The following BICC1 variants were observed in gnomAD, a reference collection of about 807,000 sequenced individuals.
BICC1 encodes protein bicaudal C homolog 1.
In BICC1, 43 loss-of-function variants were observed where a neutral mutation model predicts 111.0. The ratio of observed to expected loss-of-function variants is 0.39; its 90% CI spans 0.30 to 0.50. The LOEUF is 0.50. BICC1 is among the 20% of genes least tolerant of loss of function. BICC1 has a pLI of 0.88. For missense variants in BICC1, 1,091 were observed against 1,203.2 expected, an observed-to-expected ratio of 0.91 and a Z score of 1.38; for synonymous variants, 467 against 434.4, an observed-to-expected ratio of 1.07 and a Z score of -0.93.
At chr10:58,806,974 C>G in intron 16 of BICC1, 30 bp from the exon 17 acceptor site, 1 of 1,592,766 alleles carries the variant, frequency 6.3e-7, no homozygotes, top group South Asian at 1.1e-5. Context: ...ATTAAACATA[C>G]CAAGCATTGG....
chr10:58,771,793 C>A (rs531920720), intron 3 of BICC1, among the ~76,000 whole-genome samples: 1 of 152,282 alleles, frequency 6.6e-6, no homozygotes, highest in Admixed American at 6.5e-5. Flanking sequence ...TCTTTGAAAA[C>A]CACAGCAGAC....
chr10:58,707,428 A>G (rs1248554457), intron 3 of BICC1, among the ~76,000 whole-genome samples: 2 of 152,084 alleles, frequency 1.3e-5, no homozygotes, highest in African/African-American at 4.8e-5. Context: ...GTTGCAACCT[A>G]TTCGTGTGTC....
intron 1 of BICC1, among the ~76,000 whole-genome samples, chr10:58,579,753 C>CA: frequency 6.6e-6 from 1 of 152,230 alleles, no homozygotes; most frequent in South Asian, 2.1e-4. Flanking sequence ...AATCTGCTCT[C>CA]AGAGAGGATG....
chr10:58,755,479 C>A (rs1199144852), intron 3 of BICC1, among the ~76,000 whole-genome samples: 1 of 152,122 alleles, frequency 6.6e-6, no homozygotes, highest in Non-Finnish European at 1.5e-5. Context: ...TGAATTATTT[C>A]CTGAATGAGA....
At chr10:58,715,080 A>C in intron 3 of BICC1, among the ~76,000 whole-genome samples, 1 of 151,486 alleles carries the variant, frequency 6.6e-6, no homozygotes, top group African/African-American at 2.4e-5. Flanking sequence ...AAAAAAAAAA[A>C]GATTAAAAAT....
At position 58,513,149 on chromosome 10, in the gene BICC1, C is replaced by A. The variant is rs752693793; in HGVS notation, c.6C>A (p.Ala2=). Residue 2 remains alanine, a synonymous_variant, in exon 1 of 21, where the codon GCC becomes GCA. Coordinates refer to ENST00000373886, the MANE Select transcript of BICC1 (RefSeq NM_001080512.3). M[A]AQGEPGYLAA... ...CCGAGCGCTGCGCGCCCACCATGGC[C>A]GCCCAGGGAGAGCCCGGCTACCTGG... 3 of 1,518,052 alleles carry A rather than the reference C, an allele frequency of 2.0e-6. No homozygotes were observed. Among genetic ancestry groups the A allele is most frequent in the African/African-American group, 1.4e-5 (1 of 69,440 alleles). 94.0% of individuals were successfully genotyped at this position (1,518,052 alleles called of 1,614,324 possible).
intron 2 of BICC1, among the ~76,000 whole-genome samples, chr10:58,701,619 AT>A (rs571829077): frequency 6.6e-6 from 1 of 152,200 alleles, no homozygotes; most frequent in Middle Eastern, 3.4e-3. Flanking sequence ...AAAGCAAGTT[AT>A]TTTTTCCCCC....
chr10:58,653,839 A>G (rs1244585069), intron 2 of BICC1, among the ~76,000 whole-genome samples: 13 of 77,672 alleles, frequency 1.7e-4, no homozygotes, highest in Admixed American at 8.8e-4. Flanking sequence ...CCCTCCCCCC[A>G]CCCCACCACA....
intron 3 of BICC1, among the ~76,000 whole-genome samples, chr10:58,732,259 A>G (rs1291080123): frequency 6.9e-6 from 1 of 145,174 alleles, no homozygotes; most frequent in East Asian, 2.1e-4. Flanking sequence ...GCGGGTGGGG[A>G]TGGGGAGAGA....
intron 1 of BICC1, among the ~76,000 whole-genome samples, chr10:58,514,335 T>C (rs1842184042): frequency 2.0e-5 from 3 of 152,216 alleles, no homozygotes; most frequent in Non-Finnish European, 4.4e-5. Context: ...CTGGTGAAGA[T>C]TCATTCAGTA....
Position 58,789,250 on chromosome 10 carries a change from A to G in BICC1, c.601-12A>G. Reference sequence around the variant, plus strand: ...TAACTCTCTGCTTTGGATTCTCATCATTTCATTTTAGGAGCTGCTTCCTTT... The same window carrying G: ...TAACTCTCTGCTTTGGATTCTCATCGTTTCATTTTAGGAGCTGCTTCCTTT... On this transcript the variant is annotated splice_polypyrimidine_tract_variant and intron_variant, in intron 6 of 20. Transcript: ENST00000373886. The G allele has an allele frequency of 6.2e-7, 1 of 1,609,198 alleles. No homozygotes were observed. The highest frequency in any genetic ancestry group is 8.5e-7 in the Non-Finnish European group (1 of 1,177,112).
At chr10:58,590,781 T>C (rs1229003923) in intron 1 of BICC1, among the ~76,000 whole-genome samples, 4 of 152,204 alleles carry the variant, frequency 2.6e-5, no homozygotes, top group African/African-American at 9.7e-5. Flanking sequence ...ATAGGTATTT[T>C]AGATTATCTA....
intron 2 of BICC1, among the ~76,000 whole-genome samples, chr10:58,638,696 C>T (rs1382266897): frequency 2.0e-5 from 3 of 152,108 alleles, no homozygotes; most frequent in Non-Finnish European, 4.4e-5. Flanking sequence ...TAAGAGCCAC[C>T]GCTTGTTGTG....
Position 58,699,452 on chromosome 10 carries a change from G to A in BICC1, c.238-2622G>A, listed in dbSNP as rs951272497. Among the ~76,000 whole-genome samples the A allele has an allele frequency of 1.2e-4, 19 of 152,208 alleles. 1 individual carries two copies. Among genetic ancestry groups the A allele is most frequent in the African/African-American group, 4.1e-4 (17 of 41,440 alleles). ...CATCTATTGGTGCTTAATAAAATAA[G>A]TGTACATGCAGGGTTATTTCTGGGC... On this transcript the variant is annotated intron_variant, in intron 2 of 20. Transcript: ENST00000373886.
chr10:58,731,548 T>C (rs187189612), intron 3 of BICC1, among the ~76,000 whole-genome samples: 3 of 152,340 alleles, frequency 2.0e-5, no homozygotes. Context: ...TACATGAAAC[T>C]GAGTAATTAT....
chr10:58,693,954 G>A (rs1003927007), intron 2 of BICC1, among the ~76,000 whole-genome samples: 2 of 152,148 alleles, frequency 1.3e-5, no homozygotes, highest in African/African-American at 4.8e-5. Flanking sequence ...TGTCCTGAAT[G>A]GTACTGGCTA....
In BICC1 at chr10:58,806,893, C is replaced by T. The variant is rs151317015; in HGVS notation, c.2222-111C>T. ...TTAGACATTTTGTGTTAAGAAATAA[C>T]ATTCAGTGATAATTTCTTCACATAT... is the stretch of plus-strand genomic sequence containing the variant. On this transcript the variant is annotated intron_variant, in intron 16 of 20. Coordinates refer to ENST00000373886, the MANE Select transcript of BICC1 (RefSeq NM_001080512.3). 4.3e-4 allele frequency: 406 copies of T among 949,400 alleles called. 3 individuals carry two copies. Among genetic ancestry groups the T allele is most frequent in the African/African-American group, 3.9e-3 (236 of 59,996 alleles). The allele number at this position is 949,400 out of a possible 1,614,324, so 58.8% of individuals were successfully genotyped here.
At chr10:58,597,960 A>G (rs1043236780) in intron 1 of BICC1, among the ~76,000 whole-genome samples, 2 of 152,116 alleles carry the variant, frequency 1.3e-5, no homozygotes, top group African/African-American at 4.8e-5. Context: ...TACAGGTAAC[A>G]CAGTTATCAC....
chr10:58,785,979 T>C, intron 4 of BICC1, among the ~76,000 whole-genome samples: 1 of 152,192 alleles, frequency 6.6e-6, no homozygotes, highest in Non-Finnish European at 1.5e-5. Context: ...TTAAATAGTT[T>C]AGAATTTTCT....
Sources: gnomAD v4.1 joint callset for allele counts (sites outside exome capture counted in the v4.1 genomes callset) on GRCh38, gnomAD v4.1.1 for gene constraint, MANE v1.5 for transcripts, NCBI Gene and HGNC (gene_info 2026-07-23, HGNC 2026-07-21) for gene names.